REEP3: variants seen among roughly 807,000 people sequenced by gnomAD.
REEP3 encodes receptor accessory protein 3, also known as receptor expression-enhancing protein 3.
In REEP3, 20 loss-of-function variants were observed where a neutral mutation model predicts 41.3. The observed-to-expected ratio is 0.48, with a 90% CI of 0.34 to 0.70. The LOEUF is 0.70. Ranked by LOEUF, REEP3 falls within the 30% of genes least tolerant of loss-of-function variation. The pLI is 0.01. For synonymous variants in REEP3, 104 were observed against 101.8 expected, an observed-to-expected ratio of 1.02 and a Z score of -0.13; for missense variants, 271 against 308.8, an observed-to-expected ratio of 0.88 and a Z score of 0.92.
At chr10:63,568,314 C>T (rs1223523491) in intron 2 of REEP3, among the ~76,000 whole-genome samples, 6 of 150,870 alleles carry the variant, frequency 4.0e-5, no homozygotes, top group Admixed American at 1.3e-4. Context: ...TCACCCAGGC[C>T]GGAGTGCACT....
At chr10:63,583,924 C>G (rs905453132) in intron 2 of REEP3, among the ~76,000 whole-genome samples, 1 of 152,132 alleles carries the variant, frequency 6.6e-6, no homozygotes, top group African/African-American at 2.4e-5. Context: ...GGAACAGTTC[C>G]CTTAAGCAGT....
At chr10:63,598,783 C>CAAA (rs557044785) in intron 4 of REEP3, among the ~76,000 whole-genome samples, 25 of 117,324 alleles carry the variant, frequency 2.1e-4, no homozygotes, top group Non-Finnish European at 3.8e-4. Context: ...GACTCCATCT[C>CAAA]AAAAAAAAAA....
chr10:63,566,320 C>T lies in REEP3; in HGVS notation c.33-18C>T, dbSNP rs1394986893. The T allele has an allele frequency of 2.1e-6, 3 of 1,459,488 alleles. No individual in the cohort carries two copies. Among genetic ancestry groups the T allele is most frequent in the Admixed American group, 2.0e-5 (1 of 50,214 alleles). 90.4% of individuals were successfully genotyped at this position (1,459,488 alleles called of 1,614,324 possible). On this transcript the variant is annotated intron_variant, in intron 1 of 7. Transcript: ENST00000373758. Reference sequence around the variant, plus strand: ...CATTGTTGTGTTTGAACAGTATTCTCATTTTTTTTACTTTTAGGCTGGTGT... The same window carrying T: ...CATTGTTGTGTTTGAACAGTATTCTTATTTTTTTTACTTTTAGGCTGGTGT...
intron 5 of REEP3, chr10:63,606,170 AT>A: frequency 1.3e-6 from 1 of 797,492 alleles, no homozygotes; most frequent in East Asian, 1.3e-4. Context: ...AAGTGCTGAA[AT>A]ATGGAATTAT....
intron 1 of REEP3, among the ~76,000 whole-genome samples, chr10:63,563,318 A>G (rs1408573839): frequency 6.6e-6 from 1 of 152,266 alleles, no homozygotes; most frequent in African/African-American, 2.4e-5. Context: ...ACCTAGAATC[A>G]ACAACATTCC....
chr10:63,568,116 T>C (rs1462649568), intron 2 of REEP3, among the ~76,000 whole-genome samples: 1 of 115,998 alleles, frequency 8.6e-6, no homozygotes, highest in East Asian at 1.9e-4. Context: ...CATATTCTAA[T>C]ATAAGTTGGA....
chr10:63,576,473 C>T (rs991630280), intron 2 of REEP3, among the ~76,000 whole-genome samples: 3 of 152,170 alleles, frequency 2.0e-5, no homozygotes, highest in African/African-American at 7.2e-5. Flanking sequence ...ACTCTACCTC[C>T]ATTGTCACAT....
At chr10:63,537,605 A>G (rs1337392060) in intron 1 of REEP3, among the ~76,000 whole-genome samples, 1 of 152,212 alleles carries the variant, frequency 6.6e-6, no homozygotes, top group Admixed American at 6.5e-5. Flanking sequence ...AGTCAGGACC[A>G]AGATATCTAC....
At chr10:63,591,001 G>A (rs1564486694) in intron 2 of REEP3, among the ~76,000 whole-genome samples, 1 of 152,056 alleles carries the variant, frequency 6.6e-6, no homozygotes, top group Non-Finnish European at 1.5e-5. Flanking sequence ...ATGTTTATAA[G>A]ATAGTGTATT....
intron 1 of REEP3, among the ~76,000 whole-genome samples, chr10:63,540,222 C>T (rs1305271777): frequency 2.0e-5 from 3 of 152,172 alleles, no homozygotes; most frequent in Non-Finnish European, 4.4e-5. Context: ...TTACAACATT[C>T]TCTACAGTAC....
At chr10:63,523,811 G>A (rs1697513118) in intron 1 of REEP3, among the ~76,000 whole-genome samples, 1 of 152,218 alleles carries the variant, frequency 6.6e-6, no homozygotes, top group South Asian at 2.1e-4. Flanking sequence ...GTAGCCTGGG[G>A]CCTGTTTTCA....
At chr10:63,558,971 C>T (rs1955715907) in intron 1 of REEP3, among the ~76,000 whole-genome samples, 1 of 151,758 alleles carries the variant, frequency 6.6e-6, no homozygotes, top group South Asian at 2.1e-4. Flanking sequence ...GTTTTTAGTC[C>T]CTTAGTCTAA....
intron 2 of REEP3, among the ~76,000 whole-genome samples, chr10:63,588,014 GT>G (rs1191294435): frequency 6.6e-6 from 1 of 152,176 alleles, no homozygotes; most frequent in Non-Finnish European, 1.5e-5. Flanking sequence ...GTCATAGTCT[GT>G]TCCAGGTCTT....
chr10:63,545,149 G>T (rs910209231), intron 1 of REEP3, among the ~76,000 whole-genome samples: 1 of 152,036 alleles, frequency 6.6e-6, no homozygotes, highest in African/African-American at 2.4e-5. Flanking sequence ...GTGATTATGG[G>T]TACTTGTTTC....
chr10:63,558,417 T>C (rs566722856), intron 1 of REEP3, among the ~76,000 whole-genome samples: 1 of 152,214 alleles, frequency 6.6e-6, no homozygotes, highest in Non-Finnish European at 1.5e-5. Context: ...TTACTTCACA[T>C]CTTATGTAAA....
intron 2 of REEP3, among the ~76,000 whole-genome samples, chr10:63,579,438 G>A (rs1955929679): frequency 1.3e-5 from 2 of 152,172 alleles, no homozygotes; most frequent in Admixed American, 1.3e-4. Flanking sequence ...ATAATAGGGG[G>A]ATTTAAATTA....
At chr10:63,555,869 A>G (rs2133365406) in intron 1 of REEP3, among the ~76,000 whole-genome samples, 1 of 152,308 alleles carries the variant, frequency 6.6e-6, no homozygotes, top group South Asian at 2.1e-4. Context: ...TATTTTACAT[A>G]GACAGGTTTG....
At chr10:63,596,073 C>T (rs540712378) in intron 3 of REEP3, among the ~76,000 whole-genome samples, 1 of 152,138 alleles carries the variant, frequency 6.6e-6, no homozygotes, top group Non-Finnish European at 1.5e-5. Flanking sequence ...TTGCTCTTCT[C>T]CTGTTCATGT....
intron 5 of REEP3, among the ~76,000 whole-genome samples, chr10:63,607,527 G>A (rs188870440): frequency 2.6e-4 from 39 of 152,310 alleles, no homozygotes; most frequent in African/African-American, 8.7e-4. Context: ...CATACCTGTA[G>A]TTTGCTGCTG....
Sources: allele counts gnomAD v4.1 joint callset (sites outside exome capture counted in the v4.1 genomes callset), GRCh38; gene constraint gnomAD v4.1.1; transcripts MANE v1.5; gene names NCBI Gene and HGNC (gene_info 2026-07-23, HGNC 2026-07-21).